The following DPP9 variants were observed in gnomAD, a reference collection of about 807,000 sequenced individuals.
DPP9 encodes the protein dipeptidyl peptidase 9.
DPP9 carries 50 observed loss-of-function variants against 110.7 expected under a neutral mutation model. The observed-to-expected ratio is 0.45, with a 90% CI of 0.36 to 0.57. DPP9 has a LOEUF of 0.57. Among genes scored for constraint, DPP9 ranks in the 20% least tolerant of loss-of-function variants. DPP9 has a pLI of 0.00. For synonymous variants in DPP9, 561 were observed against 514.4 expected (o/e 1.09, Z -1.23); for missense variants, 1,022 against 1,217.9 (o/e 0.84, Z 2.39).
intron 2 of DPP9, among the ~76,000 whole-genome samples, chr19:4,720,974 G>A (rs1392009901): frequency 6.6e-6 from 1 of 152,168 alleles, no homozygotes; most frequent in African/African-American, 2.4e-5. Context: ...CAGCCTCCTG[G>A]GACCTTAGTA....
intron 13 of DPP9, among the ~76,000 whole-genome samples, chr19:4,691,839 G>A (rs1489504548): frequency 2.6e-5 from 4 of 151,050 alleles, no homozygotes; most frequent in African/African-American, 7.3e-5. Flanking sequence ...CACCATGCCC[G>A]GCTGGATTTT....
At chr19:4,701,473 C>T (rs374605384) in intron 9 of DPP9, among the ~76,000 whole-genome samples, 1 of 152,076 alleles carries the variant, frequency 6.6e-6, no homozygotes, top group East Asian at 1.9e-4. Flanking sequence ...GTCTCAAAAA[C>T]AAACAAACAA....
rs2092802653 is a variant in DPP9 at position 4,710,950 on chromosome 19, GACAC to G, written c.313+3127_313+3130del. ...TGAGGACCTGCCTGTCCCAGCCCCAGACACACACACGAGCCACAGGCGACCCGAC... is the reference window on the plus strand; with the variant it reads ...TGAGGACCTGCCTGTCCCAGCCCCAGACACACGAGCCACAGGCGACCCGAC... On this transcript the variant is annotated intron_variant, in intron 4 of 21. Coordinates refer to ENST00000262960, the MANE Select transcript of DPP9 (RefSeq NM_139159.5). This position sits in a 1 kb window ranked among gnomAD's most constrained non-coding sequence, Gnocchi z 5.6. Among the ~76,000 whole-genome samples, 1 of 152,254 alleles carries G rather than the reference GACAC, an allele frequency of 6.6e-6. No homozygotes were observed. The highest frequency in any genetic ancestry group is 1.9e-4 in the East Asian group (1 of 5,180).
intron 1 of DPP9, among the ~76,000 whole-genome samples, 183 bp downstream of exon 1, chr19:4,723,491 G>A (rs1388867237): frequency 1.3e-5 from 2 of 152,178 alleles, no homozygotes; most frequent in African/African-American, 4.8e-5. Flanking sequence ...AGGTGGAGGA[G>A]GGCCTGGGGC....
Position 4,685,875 on chromosome 19 carries a change from C to A in DPP9, c.1886-104G>T. Reference sequence around the variant, plus strand: ...AGCCTTGGAGGGTGGACCAAAGCACCCCCTCTTTTCCTGGGCTTCCCGAGA... The same window carrying A: ...AGCCTTGGAGGGTGGACCAAAGCACACCCTCTTTTCCTGGGCTTCCCGAGA... On this transcript the variant is annotated intron_variant, in intron 16 of 21. Transcript: ENST00000262960. This position sits in a 1 kb window ranked among gnomAD's most constrained non-coding sequence, Gnocchi z 5.8. 3 of 1,344,774 alleles carry A rather than the reference C, an allele frequency of 2.2e-6. No homozygotes were observed. Among genetic ancestry groups the A allele is most frequent in the Non-Finnish European group, 2.0e-6 (2 of 994,940 alleles). 83.3% of individuals were successfully genotyped at this position (1,344,774 alleles called of 1,614,324 possible).
In DPP9 at chr19:4,685,800, GC is replaced by G. The variant is rs766361227; in HGVS notation, c.1886-30del. 2.5e-6 allele frequency: 4 copies of G among 1,605,118 alleles called. No homozygotes were observed. The highest frequency in any genetic ancestry group is 3.5e-4 in the Middle Eastern group (2 of 5,696). ...CGGGAGACAGGGCGGCTATCTGGCT[GC>G]CCGGGGAAGCCACATCCAGCTGACA... On this transcript the variant is annotated intron_variant, in intron 16 of 21. Transcript: ENST00000262960. This position sits in a 1 kb window ranked among gnomAD's most constrained non-coding sequence, Gnocchi z 5.8.
chr19:4,718,883 G>A lies in DPP9; in HGVS notation c.56+968C>T, dbSNP rs1244336526. Among the ~76,000 whole-genome samples the A allele has an allele frequency of 2.0e-5, 3 of 152,148 alleles. No homozygotes were observed. The East Asian group carries it at 5.8e-4, about 29-fold the overall frequency. On this transcript the variant is annotated intron_variant, in intron 3 of 21. Coordinates refer to ENST00000262960, the MANE Select transcript of DPP9 (RefSeq NM_139159.5). The surrounding 1 kb of genome is among the most constrained non-coding windows in gnomAD (Gnocchi z 4.3). ...TAAGAGTATTAGAAAATTGAATACT[G>A]AGAAAGGTTCGCAGGGTCGAGGAAT...
intron 4 of DPP9, among the ~76,000 whole-genome samples, chr19:4,711,591 G>C (rs2092830964): frequency 6.6e-6 from 1 of 151,886 alleles, no homozygotes; most frequent in Admixed American, 6.6e-5. Flanking sequence ...TGGCCAACAT[G>C]GAGAAACCCT....
intron 16 of DPP9, among the ~76,000 whole-genome samples, chr19:4,686,318 A>AT (rs397859631): frequency 0.093 from 9,771 of 105,578 alleles, 804 homozygotes; most frequent in African/African-American, 0.21. Context: ...CTCGAACTGT[A>AT]TTTTTTTTTT....
intron 21 of DPP9, 52 bp downstream of exon 21, chr19:4,679,783 C>A: frequency 5.0e-6 from 7 of 1,399,426 alleles, no homozygotes; most frequent in Non-Finnish European, 7.0e-6. Context: ...ACCCCCCACT[C>A]CCAGGGATCT....
chr19:4,683,095 G>A lies in DPP9; in HGVS notation c.2332-257C>T, dbSNP rs533778517. ...CGCAGAGGGCCGGGTCCCACTGCCCGTCTGCCTCCTCCTCCTCCTCATCGC... is the reference window on the plus strand; with the variant it reads ...CGCAGAGGGCCGGGTCCCACTGCCCATCTGCCTCCTCCTCCTCCTCATCGC... On this transcript the variant is annotated intron_variant, in intron 19 of 21. Coordinates refer to ENST00000262960, the MANE Select transcript of DPP9 (RefSeq NM_139159.5). 19 of 1,484,816 alleles carry A rather than the reference G, an allele frequency of 1.3e-5. No individual in the cohort carries two copies. The East Asian group carries it at 1.9e-4, about 15-fold the overall frequency. The allele number at this position is 1,484,816 out of a possible 1,614,324, so 92.0% of individuals were successfully genotyped here.
At chr19:4,714,362 G>C (rs201357755) in intron 3 of DPP9, 25 bp from the exon 4 acceptor site, 4 of 1,466,792 alleles carry the variant, frequency 2.7e-6, no homozygotes, top group Non-Finnish European at 2.7e-6. Context: ...CAAAGACTAT[G>C]AGAAAGGAGA....
At chr19:4,713,546 C>T (rs774274183) in intron 4 of DPP9, among the ~76,000 whole-genome samples, 3 of 152,204 alleles carry the variant, frequency 2.0e-5, no homozygotes, top group Non-Finnish European at 2.9e-5. Flanking sequence ...CGTGGCAAGC[C>T]GCCCCTGTGC....
chr19:4,697,649 G>A lies in DPP9; in HGVS notation c.1077C>T (p.Ile359=), dbSNP rs759316387. The change falls in exon 11 of 22, where the codon ATC becomes ATT. Residue 359 remains isoleucine, a splice_region_variant and synonymous_variant. Coordinates refer to ENST00000262960, the MANE Select transcript of DPP9 (RefSeq NM_139159.5). ...CCAGCTCCTTCTCCTGGGTCGAGAC[G>A]ATCTGAAGGGAAACAAACAGGTGTG... ...AEFQTDSQGK[I]VSTQEKELVQ... 23 of 1,613,510 alleles carry A rather than the reference G, an allele frequency of 1.4e-5. No individual in the cohort carries two copies. Among genetic ancestry groups the A allele is most frequent in the South Asian group, 5.5e-5 (5 of 91,058 alleles).
At chr19:4,722,345 C>T (rs1185461359) in intron 2 of DPP9, 154 bp downstream of exon 2, 8 of 586,082 alleles carry the variant, frequency 1.4e-5, no homozygotes, top group Non-Finnish European at 2.1e-5. Flanking sequence ...CTCCAGCAGG[C>T]GCACAAAAAA....
At position 4,687,603 on chromosome 19, in the gene DPP9, G is replaced by A. The variant is rs1019657647; in HGVS notation, c.1885+1154C>T. On this transcript the variant is annotated intron_variant, in intron 16 of 21. Coordinates refer to ENST00000262960, the MANE Select transcript of DPP9 (RefSeq NM_139159.5). This position sits in a 1 kb window ranked among gnomAD's most constrained non-coding sequence, Gnocchi z 4.7. ...TTCCTGATAAAGGCCTCGGAGTGTC[G>A]GCTCTGAGCAGGTGCTGCTGTGGGC... 2.6e-5 allele frequency among the ~76,000 whole-genome samples: 4 copies of A among 152,086 alleles called. No homozygotes were observed. Among genetic ancestry groups the A allele is most frequent in the African/African-American group, 7.2e-5 (3 of 41,406 alleles).
rs748867597 is a variant in DPP9, at chr19:4,714,144, C to T, written c.250G>A (p.Asp84Asn). 10 of 1,613,392 alleles carry T rather than the reference C, an allele frequency of 6.2e-6. No individual in the cohort carries two copies. Among genetic ancestry groups the T allele is most frequent in the Admixed American group, 1.7e-5 (1 of 59,972 alleles). The change falls in exon 4 of 22, where the codon GAC (aspartate) becomes AAC (asparagine). Residue 84 changes from aspartate (D) to asparagine (N), a missense_variant. Asp to Asn is a conservative substitution (Grantham distance 23). Around this residue, in one of 3 missense-constraint regions of DPP9, gnomAD observed 810 missense variants for 920.6 expected, o/e 0.88. Coordinates refer to ENST00000262960, the MANE Select transcript of DPP9 (RefSeq NM_139159.5). ...SGLIVNKAPHDFQFVQKTDES... is the reference protein window; with the variant it reads ...SGLIVNKAPHNFQFVQKTDES... ...TCCGTCTTCTGCACAAACTGGAAGT[C>T]GTGGGGCGCCTTGTTGACAATGAGG...
chr19:4,701,150 T>C (rs1178066652), intron 9 of DPP9, among the ~76,000 whole-genome samples: 1 of 152,150 alleles, frequency 6.6e-6, no homozygotes, highest in African/African-American at 2.4e-5. Flanking sequence ...CCAGAGATAT[T>C]TTTAAATAAT....
At chr19:4,686,585 G>T (rs1284835745) in intron 16 of DPP9, among the ~76,000 whole-genome samples, 1 of 152,106 alleles carries the variant, frequency 6.6e-6, no homozygotes, top group Non-Finnish European at 1.5e-5. Context: ...CTCCCAAAGT[G>T]CTGGGATTAC....
Sources: allele counts gnomAD v4.1 joint callset (sites outside exome capture counted in the v4.1 genomes callset), GRCh38; gene constraint gnomAD v4.1.1; regional missense constraint gnomAD v4.1.1; non-coding constraint Gnocchi (gnomAD v3.1); transcripts MANE v1.5; gene names NCBI Gene and HGNC (gene_info 2026-07-23, HGNC 2026-07-21).